Variants in MARCHF5 observed in about 807,000 individuals in gnomAD.
MARCHF5 encodes E3 ubiquitin-protein ligase MARCHF5.
Under a neutral mutation model 36.5 loss-of-function variants are expected in MARCHF5, and 5 were observed. The observed-to-expected ratio is 0.14, with a 90% CI of 0.07 to 0.29. MARCHF5 has a LOEUF of 0.29. Among genes scored for constraint, MARCHF5 ranks in the 10% least tolerant of loss-of-function variants. The pLI is 1.00. For synonymous variants in MARCHF5, 103 were observed against 109.9 expected (o/e 0.94, Z 0.39); for missense variants, 179 against 336.3 (o/e 0.53, Z 3.66).
At chr10:92,331,909 GTATATATAATCA>G (rs1843440490) in intron 2 of MARCHF5, among the ~76,000 whole-genome samples, 11 of 143,870 alleles carry the variant, frequency 7.6e-5, no homozygotes, top group South Asian at 2.1e-4. Flanking sequence ...TCATATATAT[GTATATATAATCA>G]TATATATGTA....
At chr10:92,328,937 A>G (rs1403084539) in intron 2 of MARCHF5, among the ~76,000 whole-genome samples, 7 of 151,518 alleles carry the variant, frequency 4.6e-5, no homozygotes, top group African/African-American at 1.7e-4. Flanking sequence ...ATCAGTGTGT[A>G]TAGGTGTTAT....
Position 92,291,326 on chromosome 10 carries a change from C to G in MARCHF5, c.-169C>G, listed in dbSNP as rs574081184. 27 of 654,718 alleles carry G rather than the reference C, an allele frequency of 4.1e-5. No homozygotes were observed. The highest frequency in any genetic ancestry group is 2.2e-4 in the South Asian group (13 of 58,114). 40.6% of individuals were successfully genotyped at this position (654,718 alleles called of 1,614,324 possible). ...GCCGCCTCCGCCGGACTCCCGCAGG[C>G]CCTGCACCGCCGCCGCCAGGCTAGC... On this transcript the variant is annotated 5_prime_UTR_variant, in exon 1 of 6. Coordinates refer to ENST00000358935, the MANE Select transcript of MARCHF5 (RefSeq NM_017824.5).
intron 2 of MARCHF5, among the ~76,000 whole-genome samples, chr10:92,327,636 G>A (rs1019163536): frequency 3.9e-5 from 6 of 152,126 alleles, no homozygotes; most frequent in African/African-American, 1.4e-4. Flanking sequence ...ACGGTGTATT[G>A]GAGTGCCTGC....
At chr10:92,327,352 T>A (rs572546916) in intron 2 of MARCHF5, among the ~76,000 whole-genome samples, 112 of 146,744 alleles carry the variant, frequency 7.6e-4, no homozygotes, top group African/African-American at 1.2e-3. Context: ...AAGAGCTTTT[T>A]AAAAAAAAAA....
intron 3 of MARCHF5, among the ~76,000 whole-genome samples, chr10:92,345,173 T>TA (rs113693627): frequency 0.11 from 16,207 of 143,324 alleles, 2,666 homozygotes; most frequent in African/African-American, 0.37. Flanking sequence ...GATTCTGAGT[T>TA]AAAAAAAAAA....
intron 2 of MARCHF5, among the ~76,000 whole-genome samples, chr10:92,312,500 T>C (rs1329292679): frequency 6.6e-6 from 1 of 152,214 alleles, no homozygotes; most frequent in Admixed American, 6.5e-5. Flanking sequence ...AATGTTTTTA[T>C]TGTAAGATCA....
chr10:92,313,973 G>T (rs549486386), intron 2 of MARCHF5, among the ~76,000 whole-genome samples: 1 of 152,224 alleles, frequency 6.6e-6, no homozygotes, highest in African/African-American at 2.4e-5. Flanking sequence ...TGGGTGGATT[G>T]CTTGTGGTTA....
At chr10:92,338,986 A>G (rs1342626565) in intron 2 of MARCHF5, among the ~76,000 whole-genome samples, 1 of 151,672 alleles carries the variant, frequency 6.6e-6, no homozygotes, top group Non-Finnish European at 1.5e-5. Flanking sequence ...CGGAGGTTGT[A>G]GTGAGCCGAG....
Position 92,291,222 on chromosome 10 carries a change from C to G in MARCHF5, c.-273C>G. Reference sequence around the variant, plus strand: ...CAACTCGGCGCCCGCGGTCCATGGACCGGAACCTCGGGCCGACGGACGGGA... The same window carrying G: ...CAACTCGGCGCCCGCGGTCCATGGAGCGGAACCTCGGGCCGACGGACGGGA... On this transcript the variant is annotated 5_prime_UTR_variant, in exon 1 of 6. Coordinates refer to ENST00000358935, the MANE Select transcript of MARCHF5 (RefSeq NM_017824.5). 1.9e-6 allele frequency: 1 copy of G among 533,846 alleles called. No homozygotes were observed. The highest frequency in any genetic ancestry group is 3.3e-6 in the Non-Finnish European group (1 of 305,974). The allele number at this position is 533,846 out of a possible 1,614,324, so 33.1% of individuals were successfully genotyped here.
At chr10:92,317,149 G>A (rs772591801) in intron 2 of MARCHF5, among the ~76,000 whole-genome samples, 5 of 152,066 alleles carry the variant, frequency 3.3e-5, no homozygotes, top group African/African-American at 7.2e-5. Context: ...CTGTCATCTA[G>A]GCTAGAGTGC....
intron 1 of MARCHF5, among the ~76,000 whole-genome samples, chr10:92,296,048 T>C (rs774804969): frequency 1.3e-5 from 2 of 151,992 alleles, no homozygotes; most frequent in African/African-American, 2.4e-5. Context: ...GCTAATTTTG[T>C]ATTTTTAGTA....
At chr10:92,303,816 T>C (rs993951405) in intron 1 of MARCHF5, among the ~76,000 whole-genome samples, 5 of 152,238 alleles carry the variant, frequency 3.3e-5, no homozygotes, top group African/African-American at 1.2e-4. Context: ...ACTATACATC[T>C]GTTCTTAGGA....
chr10:92,342,695 C>T (rs186577356), intron 3 of MARCHF5, among the ~76,000 whole-genome samples: 3 of 152,338 alleles, frequency 2.0e-5, no homozygotes, highest in Non-Finnish European at 4.4e-5. Context: ...CCCAGCTTAA[C>T]ATCTCCATTG....
intron 2 of MARCHF5, among the ~76,000 whole-genome samples, chr10:92,326,691 C>T (rs534913150): frequency 6.6e-6 from 1 of 151,838 alleles, no homozygotes; most frequent in Non-Finnish European, 1.5e-5. Flanking sequence ...TGCCTGTTCT[C>T]TTTTCTTTCT....
chr10:92,296,160 C>A (rs1376267029), intron 1 of MARCHF5, among the ~76,000 whole-genome samples: 1 of 152,074 alleles, frequency 6.6e-6, no homozygotes, highest in Non-Finnish European at 1.5e-5. Flanking sequence ...CAGGGGTGAG[C>A]CACCACTCCT....
intron 2 of MARCHF5, among the ~76,000 whole-genome samples, chr10:92,324,674 A>G (rs1485531888): frequency 6.6e-6 from 1 of 152,180 alleles, no homozygotes; most frequent in Non-Finnish European, 1.5e-5. Context: ...TTAGCTGTAT[A>G]TCATAATTTT....
At chr10:92,297,684 G>T (rs1476938087) in intron 1 of MARCHF5, among the ~76,000 whole-genome samples, 1 of 150,942 alleles carries the variant, frequency 6.6e-6, no homozygotes, top group African/African-American at 2.4e-5. Context: ...GTAGAGACAG[G>T]GTTTCACTGT....
chr10:92,310,563 AT>A (rs1486318651), intron 1 of MARCHF5, among the ~76,000 whole-genome samples: 4 of 152,172 alleles, frequency 2.6e-5, no homozygotes, highest in Admixed American at 1.3e-4. Context: ...AAAAAAAAAA[AT>A]CTTGATATAT....
intron 1 of MARCHF5, among the ~76,000 whole-genome samples, chr10:92,305,674 A>T (rs1228652065): frequency 6.6e-6 from 1 of 152,202 alleles, no homozygotes; most frequent in African/African-American, 2.4e-5. Flanking sequence ...AAGAGGAAAA[A>T]TAGATGTAAG....
Sources: allele counts gnomAD v4.1 joint callset (sites outside exome capture counted in the v4.1 genomes callset), GRCh38; gene constraint gnomAD v4.1.1; transcripts MANE v1.5; gene names NCBI Gene and HGNC (gene_info 2026-07-23, HGNC 2026-07-21).